The following MYPN variants were observed in gnomAD, a reference collection of about 807,000 sequenced individuals.
The protein encoded by MYPN is myopalladin, also known as sarcomeric protein myopalladin, 145 kDa (MYOP).
In MYPN, 63 loss-of-function variants were observed where a neutral mutation model predicts 129.4. That is an observed-to-expected ratio of 0.49 (90% confidence interval 0.40 to 0.60). MYPN has a LOEUF of 0.60. Among genes scored for constraint, MYPN ranks in the 20% least tolerant of loss-of-function variants. The probability of loss-of-function intolerance (pLI) is 0.00; values close to 1 mark genes in which losing one functional copy is unlikely to be tolerated. For synonymous variants in MYPN, 629 were observed against 600.9 expected (o/e 1.05, Z -0.68); for missense variants, 1,596 against 1,635.4 (o/e 0.98, Z 0.42).
At chr10:68,153,301 T>C (rs971590720) in intron 6 of MYPN, among the ~76,000 whole-genome samples, 1 of 152,190 alleles carries the variant, frequency 6.6e-6, no homozygotes, top group African/African-American at 2.4e-5. Context: ...ATTCTTTACA[T>C]TTAATTTTCA....
rs138354021 is a variant in MYPN at position 68,165,811 on chromosome 10, C to T, written c.1593C>T (p.His531=). 84 of 1,612,842 alleles carry T rather than the reference C, an allele frequency of 5.2e-5. No homozygotes were observed. Among genetic ancestry groups the T allele is most frequent in the Non-Finnish European group, 6.6e-5 (78 of 1,178,992 alleles). ...YGTVSSIAQL[H]VRGNEDLSNN... is the part of the protein sequence containing the mutation. ...CAGTGTCAAGCATTGCACAGCTGCA[C>T]GTGAGAGGTAAGGACTCTTTAATGC... The change falls in exon 9 of 20, where the codon CAC becomes CAT. Residue 531 remains histidine, a synonymous_variant. Coordinates refer to ENST00000358913, the MANE Select transcript of MYPN (RefSeq NM_032578.4).
intron 6 of MYPN, among the ~76,000 whole-genome samples, chr10:68,152,729 C>T (rs927571115): frequency 4.6e-5 from 7 of 152,080 alleles, no homozygotes; most frequent in Admixed American, 2.0e-4. Flanking sequence ...TTGGCCCCCC[C>T]GGGTTTAAGC....
At chr10:68,189,173 T>A in intron 13 of MYPN, 47 bp downstream of exon 13, 1 of 1,367,538 alleles carries the variant, frequency 7.3e-7, no homozygotes, top group Non-Finnish European at 1.0e-6. Flanking sequence ...CATGAAGCTA[T>A]AGACAGTGCC....
At chr10:68,179,783 T>A (rs1198473680) in intron 12 of MYPN, among the ~76,000 whole-genome samples, 1 of 152,084 alleles carries the variant, frequency 6.6e-6, no homozygotes, top group South Asian at 2.1e-4. Context: ...ACCTCAGCCC[T>A]ACCCCCAGTG....
chr10:68,206,289 A>G (rs1488069620), intron 18 of MYPN, among the ~76,000 whole-genome samples: 5 of 152,138 alleles, frequency 3.3e-5, no homozygotes, highest in Non-Finnish European at 7.4e-5. Context: ...AGAAAAACAG[A>G]AGGAAACAGC....
At chr10:68,137,962 A>G (rs149903265) in intron 2 of MYPN, among the ~76,000 whole-genome samples, 227 of 152,344 alleles carry the variant, frequency 1.5e-3, no homozygotes, top group African/African-American at 4.6e-3. Flanking sequence ...TTATGCTATT[A>G]GTACTTATGC....
At chr10:68,159,191 A>C (rs577702462) in intron 7 of MYPN, among the ~76,000 whole-genome samples, 5 of 152,344 alleles carry the variant, frequency 3.3e-5, no homozygotes, top group African/African-American at 1.2e-4. Flanking sequence ...AGCCAAAATG[A>C]GATCCTTTAG....
At chr10:68,159,575 C>T (rs1024589404) in intron 7 of MYPN, among the ~76,000 whole-genome samples, 5 of 152,138 alleles carry the variant, frequency 3.3e-5, no homozygotes, top group Admixed American at 6.5e-5. Context: ...CTTTTCTTAT[C>T]GCACAATGCT....
intron 12 of MYPN, among the ~76,000 whole-genome samples, chr10:68,188,296 G>A (rs10998000): frequency 0.18 from 27,178 of 151,876 alleles, 2,832 homozygotes; most frequent in Middle Eastern, 0.26. Flanking sequence ...TTTTAGTAGA[G>A]ACAGAGCTTT....
chr10:68,196,319 G>C (rs917995307), intron 15 of MYPN, among the ~76,000 whole-genome samples: 1 of 152,062 alleles, frequency 6.6e-6, no homozygotes, highest in Non-Finnish European at 1.5e-5. Flanking sequence ...TAAGAAGAAA[G>C]AGCCTGGCTT....
intron 1 of MYPN, among the ~76,000 whole-genome samples, chr10:68,093,498 G>C (rs977313638): frequency 1.3e-5 from 2 of 151,540 alleles, no homozygotes; most frequent in Non-Finnish European, 2.9e-5. Context: ...CAGCACTTTG[G>C]GAAGGCCAGG....
At chr10:68,088,096 C>G (rs1194198907) in intron 1 of MYPN, among the ~76,000 whole-genome samples, 1 of 152,116 alleles carries the variant, frequency 6.6e-6, no homozygotes. Flanking sequence ...TAAAAAGGTG[C>G]CTCCAGGAAT....
At chr10:68,196,767 G>A (rs888223540) in intron 15 of MYPN, among the ~76,000 whole-genome samples, 1 of 152,006 alleles carries the variant, frequency 6.6e-6, no homozygotes, top group African/African-American at 2.4e-5. Flanking sequence ...TTACAGGCTT[G>A]AGCCACCACA....
rs756063427 is a variant in MYPN at position 68,150,126 on chromosome 10, A to T, written c.1317+15A>T. ...TGTTTACAAAGGTAATAAAAATATT[A>T]CTTCTTTCTGTCATGGCTTTAAAGA... On this transcript the variant is annotated intron_variant, in intron 6 of 19. Coordinates refer to ENST00000358913, the MANE Select transcript of MYPN (RefSeq NM_032578.4). The T allele has an allele frequency of 6.2e-6, 10 of 1,600,252 alleles. No individual in the cohort carries two copies. Among genetic ancestry groups the T allele is most frequent in the African/African-American group, 1.3e-5 (1 of 74,740 alleles).
intron 14 of MYPN, 53 bp from the exon 15 acceptor site, chr10:68,195,397 G>A: frequency 1.9e-6 from 3 of 1,573,980 alleles, no homozygotes; most frequent in Non-Finnish European, 2.6e-6. Flanking sequence ...TATGTAAATT[G>A]AAAAAATGTG....
At chr10:68,114,340 T>C (rs1485524388) in intron 1 of MYPN, 1 of 130,178 alleles carries the variant, frequency 7.7e-6, no homozygotes, top group African/African-American at 3.1e-5. Context: ...GACTCTCTTT[T>C]TTTTTTCTTT....
chr10:68,179,928 A>G (rs1450362376), intron 12 of MYPN, among the ~76,000 whole-genome samples: 1 of 152,218 alleles, frequency 6.6e-6, no homozygotes, highest in African/African-American at 2.4e-5. Flanking sequence ...CAAACATTTA[A>G]GTATAAAGTA....
intron 1 of MYPN, among the ~76,000 whole-genome samples, chr10:68,091,710 A>T (rs1214039898): frequency 6.6e-6 from 1 of 151,234 alleles, no homozygotes; most frequent in East Asian, 2.0e-4. Flanking sequence ...CTACAGCCCA[A>T]ATTTGCTCGT....
At chr10:68,148,741 T>A (rs2042713948) in intron 5 of MYPN, among the ~76,000 whole-genome samples, 1 of 152,236 alleles carries the variant, frequency 6.6e-6, no homozygotes, top group South Asian at 2.1e-4. Context: ...ACATATGCAG[T>A]GAGCTGTCAG....
Sources: gnomAD v4.1 joint callset for allele counts (sites outside exome capture counted in the v4.1 genomes callset) on GRCh38, gnomAD v4.1.1 for gene constraint, MANE v1.5 for transcripts, NCBI Gene and HGNC (gene_info 2026-07-23, HGNC 2026-07-21) for gene names.